DNASE2B: variants seen among roughly 807,000 people sequenced by gnomAD.
DNASE2B encodes deoxyribonuclease-2-beta.
Under a neutral mutation model 46.0 loss-of-function variants are expected in DNASE2B, and 43 were observed. The ratio of observed to expected loss-of-function variants is 0.94; its 90% CI spans 0.73 to 1.21. The LOEUF (loss-of-function observed/expected upper bound fraction) is 1.21. Ranked by LOEUF, DNASE2B falls within the 50% of genes most tolerant of loss-of-function variation. The probability of loss-of-function intolerance (pLI) is 0.00; values close to 1 mark genes in which losing one functional copy is unlikely to be tolerated. For synonymous variants in DNASE2B, 156 were observed against 152.5 expected, an observed-to-expected ratio of 1.02 and a Z score of -0.17; for missense variants, 395 against 414.4, an observed-to-expected ratio of 0.95 and a Z score of 0.41.
At chr1:84,407,214 T>G (rs1680506224) in intron 2 of DNASE2B, among the ~76,000 whole-genome samples, 1 of 152,136 alleles carries the variant, frequency 6.6e-6, no homozygotes, top group Non-Finnish European at 1.5e-5. Context: ...TCATTTATCA[T>G]AAAAAATAAA....
At chr1:84,411,457 T>A (rs1680593032) in intron 4 of DNASE2B, among the ~76,000 whole-genome samples, 2 of 147,064 alleles carry the variant, frequency 1.4e-5, no homozygotes, top group African/African-American at 5.0e-5. Flanking sequence ...TGTGTGTGTG[T>A]GTGTGTGTGT....
intron 3 of DNASE2B, among the ~76,000 whole-genome samples, chr1:84,409,806 T>C (rs1558502183): frequency 6.6e-6 from 1 of 152,158 alleles, no homozygotes; most frequent in Non-Finnish European, 1.5e-5. Flanking sequence ...GGCCAACAGA[T>C]GCCCTAATAT....
chr1:84,408,884 C>T (rs75681468), intron 3 of DNASE2B, among the ~76,000 whole-genome samples: 2 of 151,422 alleles, frequency 1.3e-5, no homozygotes, highest in Admixed American at 1.3e-4. Flanking sequence ...TATATATGTA[C>T]AAACACATTT....
At chr1:84,413,258 T>C (rs1403234678) in intron 5 of DNASE2B, among the ~76,000 whole-genome samples, 2 of 152,212 alleles carry the variant, frequency 1.3e-5, no homozygotes, top group African/African-American at 4.8e-5. Context: ...ACTTGCTCAA[T>C]GTTCCTTCAC....
At position 84,410,442 on chromosome 1, in the gene DNASE2B, G is replaced by A. The variant is rs982764286; in HGVS notation, c.386-396G>A. Among the ~76,000 whole-genome samples the A allele has an allele frequency of 3.9e-5, 6 of 152,136 alleles. No homozygotes were observed. In the East Asian group the frequency reaches 5.8e-4, roughly 15 times the overall value. ...CTCTTTCAACTCTGTTTTTTAGTCA[G>A]CTTTTGAAAAGAGCCTAGCTGCTTA... On this transcript the variant is annotated intron_variant, in intron 3 of 5. Transcript: ENST00000370665.
chr1:84,400,017 G>A (rs1680377945), intron 1 of DNASE2B, among the ~76,000 whole-genome samples: 1 of 152,182 alleles, frequency 6.6e-6, no homozygotes, highest in Non-Finnish European at 1.5e-5. Context: ...AGGACATGCT[G>A]AGAAGACTTG....
At chr1:84,408,539 TTC>T in intron 3 of DNASE2B, 21 bp downstream of exon 3, 3 of 1,599,128 alleles carry the variant, frequency 1.9e-6, no homozygotes, top group Non-Finnish European at 2.6e-6. Flanking sequence ...GATTCTTGGT[TTC>T]TCTTTCCTAC....
chr1:84,398,779 C>A (rs1680350794), intron 1 of DNASE2B, 90 bp downstream of exon 1: 1 of 1,517,912 alleles, frequency 6.6e-7, no homozygotes. Flanking sequence ...AGGGGAATGT[C>A]CATTCTCTTT....
chr1:84,414,690 A>G lies in DNASE2B; in HGVS notation c.908A>G (p.Gln303Arg). Residue 303 changes from glutamine to arginine, a missense_variant, in exon 6 of 6, where the codon CAA becomes CGA. Coordinates refer to ENST00000370665, the MANE Select transcript of DNASE2B (RefSeq NM_021233.3). ...LSRHSYFSSY[Q>R]DHAKWCISQK... ...CGACACTCTTATTTCAGTTCTTATC[A>G]AGATCATGCCAAGTGGTGTATTTCC... The G allele has an allele frequency of 6.2e-7, 1 of 1,614,182 alleles. No individual in the cohort carries two copies. The highest frequency in any genetic ancestry group is 8.5e-7 in the Non-Finnish European group (1 of 1,180,024).
At chr1:84,406,683 C>A (rs1009516969) in intron 2 of DNASE2B, among the ~76,000 whole-genome samples, 9 of 152,170 alleles carry the variant, frequency 5.9e-5, no homozygotes, top group Non-Finnish European at 1.3e-4. Flanking sequence ...AGAGCAACAG[C>A]AGTTGGTGAT....
Position 84,414,531 on chromosome 1 carries a change from T to A in DNASE2B, c.749T>A (p.Ile250Asn). The A allele has an allele frequency of 6.2e-7, 1 of 1,604,888 alleles. No homozygotes were observed. The highest frequency in any genetic ancestry group is 8.5e-7 in the Non-Finnish European group (1 of 1,175,648). The stretch of plus-strand genomic sequence containing the variant: ...TCTTTCTCCTCCTAAACCCTAGACA[T>A]CTTTGCAGCCTGGATGGCTCAACGG... ...FAKSDSFLDD[I>N]FAAWMAQRLK... Residue 250 changes from isoleucine (I) to asparagine (N), a missense_variant, in exon 6 of 6, where the codon ATC becomes AAC. Coordinates refer to ENST00000370665, the MANE Select transcript of DNASE2B (RefSeq NM_021233.3).
At position 84,398,585 on chromosome 1, in the gene DNASE2B, A is replaced by G. The variant is rs1310171365; in HGVS notation, c.21A>G (p.Ala7=). 6.2e-7 allele frequency: 1 copy of G among 1,613,734 alleles called. No homozygotes were observed. The highest frequency in any genetic ancestry group is 1.3e-5 in the African/African-American group (1 of 74,940). ...AATAAATGAAACAGAAAATGATGGC[A>G]AGACTGCTAAGAACATCCTTTGCTT... is the stretch of plus-strand genomic sequence containing the variant. MKQKMM[A]RLLRTSFALL... The change falls in exon 1 of 6, where the codon GCA becomes GCG. Residue 7 remains alanine, a synonymous_variant. Transcript: ENST00000370665.
Position 84,412,381 on chromosome 1 carries a change from T to C in DNASE2B, c.580T>C (p.Tyr194His). ...GCTCTTGGTCTGCAACCCCAACGTC[T>C]ATAGCTGCTCCATCCCAGCCACCTT... The part of the protein sequence containing the change: ...SQLLVCNPNV[Y>H]SCSIPATFHQ... Residue 194 changes from tyrosine (Y) to histidine (H), a missense_variant, in exon 5 of 6, where the codon TAT becomes CAT. By Grantham distance (83) the Tyr-to-His change is moderately conservative. Coordinates refer to ENST00000370665, the MANE Select transcript of DNASE2B (RefSeq NM_021233.3). 1 of 1,609,028 alleles carries C rather than the reference T, an allele frequency of 6.2e-7. No homozygotes were observed. The highest frequency in any genetic ancestry group is 8.5e-7 in the Non-Finnish European group (1 of 1,176,984).
At chr1:84,413,239 A>C (rs1321194929) in intron 5 of DNASE2B, among the ~76,000 whole-genome samples, 4 of 152,070 alleles carry the variant, frequency 2.6e-5, no homozygotes, top group Admixed American at 2.6e-4. Flanking sequence ...AAAACTCATC[A>C]GGGCCTTCAC....
chr1:84,403,442 G>T (rs1318216603), intron 2 of DNASE2B, among the ~76,000 whole-genome samples: 1 of 152,096 alleles, frequency 6.6e-6, no homozygotes, highest in Non-Finnish European at 1.5e-5. Flanking sequence ...AAGGAAGAGA[G>T]AATATATTCA....
In DNASE2B at chr1:84,410,942, C is replaced by A; in HGVS notation, c.490C>A (p.Arg164=). ...CTATGATTATCCACCCACAGGGAGA[C>A]GAAATGGACAAAGTGGCATCTGCAT... ...EGYDYPPTGR[R]NGQSGICITF... Residue 164 remains arginine, a synonymous_variant, in exon 4 of 6, where the codon CGA becomes AGA. Transcript: ENST00000370665. The A allele has an allele frequency of 6.2e-7, 1 of 1,612,500 alleles. No homozygotes were observed. The highest frequency in any genetic ancestry group is 8.5e-7 in the Non-Finnish European group (1 of 1,179,406).
At chr1:84,411,127 C>A in intron 4 of DNASE2B, 128 bp downstream of exon 4, 1 of 1,169,994 alleles carries the variant, frequency 8.5e-7, no homozygotes, top group Non-Finnish European at 1.2e-6. Context: ...GATTCTAATA[C>A]TGGCTTTGCC....
In DNASE2B at chr1:84,410,876, A is replaced by G. The variant is rs1234588983; in HGVS notation, c.424A>G (p.Ile142Val). 3.7e-6 allele frequency: 6 copies of G among 1,613,516 alleles called. No homozygotes were observed. Among genetic ancestry groups the G allele is most frequent in the Non-Finnish European group, 5.1e-6 (6 of 1,179,756 alleles). The part of the protein sequence containing the change: ...LWNRVQGFWL[I>V]HSIPQFPPIP... ...GAACAGAGTTCAAGGGTTCTGGCTG[A>G]TTCATTCCATCCCTCAGTTTCCTCC... The change falls in exon 4 of 6, where the codon ATT becomes GTT. Residue 142 changes from isoleucine (I) to valine (V), a missense_variant. Coordinates refer to ENST00000370665, the MANE Select transcript of DNASE2B (RefSeq NM_021233.3).
chr1:84,414,427 C>A, intron 5 of DNASE2B, 101 bp from the exon 6 acceptor site: 1 of 995,962 alleles, frequency 1.0e-6, no homozygotes, highest in South Asian at 1.8e-5. Flanking sequence ...GTGACATCCA[C>A]ATATCAGGGG....
Sources: allele counts gnomAD v4.1 joint callset (sites outside exome capture counted in the v4.1 genomes callset), GRCh38; gene constraint gnomAD v4.1.1; transcripts MANE v1.5; gene names NCBI Gene and HGNC (gene_info 2026-07-23, HGNC 2026-07-21).